POC1A: variants seen among roughly 807,000 people sequenced by gnomAD.
The protein encoded by POC1A is POC1 centriolar protein homolog A.
In POC1A, 34 loss-of-function variants were observed where a neutral mutation model predicts 47.8. That is an observed-to-expected ratio of 0.71 (90% CI 0.54 to 0.95). The LOEUF (loss-of-function observed/expected upper bound fraction) is 0.95, where lower values mean the gene tolerates loss of function less well. POC1A is among the 40% of genes least tolerant of loss of function. POC1A has a pLI of 0.00. For missense variants in POC1A, 466 were observed against 528.3 expected, an observed-to-expected ratio of 0.88 and a Z score of 1.16; for synonymous variants, 177 against 207.6, an observed-to-expected ratio of 0.85 and a Z score of 1.27.
intron 9 of POC1A, among the ~76,000 whole-genome samples, chr3:52,110,250 G>A (rs903310502): frequency 6.6e-6 from 1 of 152,202 alleles, no homozygotes; most frequent in African/African-American, 2.4e-5. Flanking sequence ...ACAGACAACA[G>A]GAGAGCGGGG....
Position 52,079,067 on chromosome 3 carries a change from ATC to A in POC1A, c.1126-3084_1126-3083del, listed in dbSNP as rs1702204670. On this transcript the variant is annotated intron_variant, in intron 10 of 10. Transcript: ENST00000296484. The surrounding 1 kb of genome is among the most constrained non-coding windows in gnomAD (Gnocchi z 4.6). ...AGCTGTGGGAGGAGGGCAGGAGAGCATCTGAGGTGGCAGAAGGGGTGTGTGGG... is the reference window on the plus strand; with the variant it reads ...AGCTGTGGGAGGAGGGCAGGAGAGCATGAGGTGGCAGAAGGGGTGTGTGGG... 6.6e-6 allele frequency among the ~76,000 whole-genome samples: 1 copy of A among 152,216 alleles called. No homozygotes were observed. Among genetic ancestry groups the A allele is most frequent in the Non-Finnish European group, 1.5e-5 (1 of 68,028 alleles).
intron 10 of POC1A, among the ~76,000 whole-genome samples, chr3:52,095,579 T>C (rs1702788426): frequency 6.6e-6 from 1 of 151,884 alleles, no homozygotes; most frequent in South Asian, 2.1e-4. Context: ...CATGTGTCCC[T>C]CTTGCAGCCT....
chr3:52,080,739 G>A (rs1702253744), intron 10 of POC1A, among the ~76,000 whole-genome samples: 1 of 152,222 alleles, frequency 6.6e-6, no homozygotes, highest in African/African-American at 2.4e-5. Flanking sequence ...TTGTGCCACT[G>A]CAGCATTAAG....
At chr3:52,147,993 G>A (rs553654654) in intron 4 of POC1A, among the ~76,000 whole-genome samples, 13 of 151,524 alleles carry the variant, frequency 8.6e-5, no homozygotes, top group Admixed American at 3.9e-4. Context: ...CCTGCCTCAC[G>A]AGTGAGCACA....
intron 7 of POC1A, among the ~76,000 whole-genome samples, chr3:52,137,810 G>A (rs1042585600): frequency 1.3e-5 from 2 of 152,140 alleles, no homozygotes; most frequent in East Asian, 1.9e-4. Flanking sequence ...CTGCCAGTCC[G>A]AGGGCCTCCA....
intron 10 of POC1A, among the ~76,000 whole-genome samples, chr3:52,078,997 A>G (rs1305278080): frequency 1.3e-5 from 2 of 152,212 alleles, no homozygotes; most frequent in Admixed American, 6.5e-5. Flanking sequence ...CAGAGCAGCC[A>G]GGACAGGCCA....
chr3:52,149,791 A>G (rs548340101), intron 3 of POC1A, 25 bp downstream of exon 3: 3 of 1,602,104 alleles, frequency 1.9e-6, no homozygotes, highest in Non-Finnish European at 2.6e-6. Flanking sequence ...GACTCCAACA[A>G]GCCTCCTCAA....
chr3:52,112,520 T>C (rs1703420741), intron 9 of POC1A, among the ~76,000 whole-genome samples: 1 of 152,154 alleles, frequency 6.6e-6, no homozygotes, highest in Non-Finnish European at 1.5e-5. Flanking sequence ...TGCATGCCTG[T>C]AATCCCAGCT....
At chr3:52,077,794 CTT>C (rs983539938) in intron 10 of POC1A, among the ~76,000 whole-genome samples, 1 of 147,470 alleles carries the variant, frequency 6.8e-6, no homozygotes. Flanking sequence ...CCTCTTCTGC[CTT>C]TTTTTTTTTC....
At chr3:52,082,865 C>A (rs140309528) in intron 10 of POC1A, among the ~76,000 whole-genome samples, 90 of 152,230 alleles carry the variant, frequency 5.9e-4, no homozygotes, top group African/African-American at 2.0e-3. Context: ...TCAACAGATA[C>A]CCCCAGTCTG....
intron 10 of POC1A, among the ~76,000 whole-genome samples, chr3:52,086,945 T>C (rs1030068608): frequency 6.6e-6 from 1 of 152,196 alleles, no homozygotes; most frequent in African/African-American, 2.4e-5. Context: ...CTGAGTGCTA[T>C]GGAAATGCAG....
chr3:52,100,085 G>A (rs1331852005), intron 9 of POC1A, among the ~76,000 whole-genome samples: 1 of 152,186 alleles, frequency 6.6e-6, no homozygotes, highest in African/African-American at 2.4e-5. Flanking sequence ...CTCACAGTTG[G>A]TTAATGTGTT....
chr3:52,087,943 G>A (rs559768760), intron 10 of POC1A, among the ~76,000 whole-genome samples: 41 of 152,216 alleles, frequency 2.7e-4, no homozygotes, highest in Non-Finnish European at 5.0e-4. Flanking sequence ...TTGGCCATAG[G>A]CTTTGCTGGA....
At chr3:52,136,084 A>G (rs924173662) in intron 7 of POC1A, among the ~76,000 whole-genome samples, 1 of 152,092 alleles carries the variant, frequency 6.6e-6, no homozygotes, top group African/African-American at 2.4e-5. Flanking sequence ...ATCAGTTTGC[A>G]GAACCCTGAG....
chr3:52,088,275 A>T (rs927679214), intron 10 of POC1A, among the ~76,000 whole-genome samples: 2 of 152,084 alleles, frequency 1.3e-5, no homozygotes, highest in African/African-American at 4.8e-5. Flanking sequence ...CCAAGCATCC[A>T]CTGATCCACA....
At position 52,089,030 on chromosome 3, in the gene POC1A, G is replaced by A. The variant is rs1702557302; in HGVS notation, c.1125+7539C>T. Among the ~76,000 whole-genome samples, 4 of 151,654 alleles carry A rather than the reference G, an allele frequency of 2.6e-5. No homozygotes were observed. The South Asian group carries it at 8.4e-4, about 32-fold the overall frequency. On this transcript the variant is annotated intron_variant, in intron 10 of 10. Transcript: ENST00000296484. Reference sequence around the variant, plus strand: ...ATCTGCAGCCTCTTTGGAAGGGGGTGCTTTCTGCCACAACCACAGACGGGA... The same window carrying A: ...ATCTGCAGCCTCTTTGGAAGGGGGTACTTTCTGCCACAACCACAGACGGGA...
At chr3:52,108,202 C>A (rs1703253551) in intron 9 of POC1A, among the ~76,000 whole-genome samples, 1 of 152,234 alleles carries the variant, frequency 6.6e-6, no homozygotes, top group African/African-American at 2.4e-5. Context: ...ACACTGACCT[C>A]TCTGCCAGGT....
chr3:52,135,510 C>T (rs948009306), intron 7 of POC1A, among the ~76,000 whole-genome samples: 2 of 152,166 alleles, frequency 1.3e-5, no homozygotes, highest in Non-Finnish European at 2.9e-5. Flanking sequence ...CAGCCTCCCC[C>T]GAAAGTGCTG....
chr3:52,153,729 G>C (rs1255509939), intron 1 of POC1A, among the ~76,000 whole-genome samples: 1 of 152,248 alleles, frequency 6.6e-6, no homozygotes, highest in African/African-American at 2.4e-5. Context: ...GGGAGGTAGA[G>C]TACCAGATTA....
Sources: allele counts gnomAD v4.1 joint callset (sites outside exome capture counted in the v4.1 genomes callset), GRCh38; gene constraint gnomAD v4.1.1; non-coding constraint Gnocchi (gnomAD v3.1); transcripts MANE v1.5; gene names NCBI Gene and HGNC (gene_info 2026-07-23, HGNC 2026-07-21).